The following ALPK3 variants were observed in gnomAD, a reference collection of about 807,000 sequenced individuals.
ALPK3 encodes alpha-protein kinase 3.
ALPK3 carries 102 observed loss-of-function variants against 140.0 expected under a neutral mutation model. The observed-to-expected ratio is 0.73, with a 90% CI of 0.62 to 0.86. The LOEUF (loss-of-function observed/expected upper bound fraction) is 0.86. ALPK3 is among the 40% of genes least tolerant of loss of function. ALPK3 has a pLI of 0.00. For synonymous variants in ALPK3, 938 were observed against 898.5 expected (o/e 1.04, Z -0.79); for missense variants, 2,254 against 2,208.2 (o/e 1.02, Z -0.42).
intron 3 of ALPK3, among the ~76,000 whole-genome samples, chr15:84,832,821 G>A (rs146225701): frequency 0.012 from 1,884 of 152,260 alleles, 133 homozygotes; most frequent in Admixed American, 0.11. Context: ...TGGTAACAGC[G>A]GCTGCAGTGG....
chr15:84,868,583 C>G lies in ALPK3; in HGVS notation c.*127C>G, dbSNP rs1319130899. ...CACGAAGGAGACACCACTTGGGGACCTCTCTGAGCAGGCTCTCGTGAATCA... is the reference window on the plus strand; with the variant it reads ...CACGAAGGAGACACCACTTGGGGACGTCTCTGAGCAGGCTCTCGTGAATCA... On this transcript the variant is annotated 3_prime_UTR_variant, in exon 14 of 14. Transcript: ENST00000258888. 3 of 927,002 alleles carry G rather than the reference C, an allele frequency of 3.2e-6. No individual in the cohort carries two copies. The highest frequency in any genetic ancestry group is 3.1e-6 in the Non-Finnish European group (2 of 635,574). The allele number at this position is 927,002 out of a possible 1,614,324, so 57.4% of individuals were successfully genotyped here. A position where few individuals can be genotyped will look rare whatever the true frequency, so the allele number is the denominator to read the frequency against.
intron 5 of ALPK3, among the ~76,000 whole-genome samples, chr15:84,855,145 A>T: frequency 6.6e-6 from 1 of 152,148 alleles, no homozygotes; most frequent in East Asian, 1.9e-4. Flanking sequence ...TGCTCTGCTC[A>T]TCTGCCGTGT....
Position 84,868,152 on chromosome 15 carries a change from A to G in ALPK3, c.4814A>G (p.Asp1605Gly), listed in dbSNP as rs1964022763. The change falls in exon 14 of 14, where the codon GAC (aspartate) becomes GGC (glycine). Residue 1605 changes from aspartate to glycine, a missense_variant. Asp to Gly is a moderately conservative substitution (Grantham distance 94). This residue lies in a region of ALPK3 where 158 missense variants were observed against 159.8 expected (regional missense o/e 0.99). Transcript: ENST00000258888. The part of the protein sequence containing the change: ...LKESCFPALL[D>G]RFASSHQCNA... ...GAAAGCTGCTTCCCTGCCCTGCTGG[A>G]CCGGTTCGCCTCCTCCCACCAGTGC... 26 of 1,613,782 alleles carry G rather than the reference A, an allele frequency of 1.6e-5. No homozygotes were observed. In the East Asian group the frequency reaches 5.8e-4, roughly 36 times the overall value.
At chr15:84,859,093 C>T in intron 6 of ALPK3, 150 bp from the exon 7 acceptor site, 1 of 1,062,166 alleles carries the variant, frequency 9.4e-7, no homozygotes. Flanking sequence ...GAGATATAGG[C>T]AGGAGGCACC....
intron 3 of ALPK3, among the ~76,000 whole-genome samples, chr15:84,833,075 C>A (rs976033713): frequency 6.6e-6 from 1 of 152,180 alleles, no homozygotes; most frequent in Non-Finnish European, 1.5e-5. Context: ...GATGACCAGG[C>A]AGGGCTGCTC....
At chr15:84,859,710 A>T in intron 7 of ALPK3, 66 bp from the exon 8 acceptor site, 1 of 1,523,516 alleles carries the variant, frequency 6.6e-7, no homozygotes, top group Admixed American at 2.0e-5. Flanking sequence ...GTGGGGTCCA[A>T]GGACGCTTAG....
intron 1 of ALPK3, among the ~76,000 whole-genome samples, chr15:84,819,956 T>C (rs1465514529): frequency 1.3e-5 from 2 of 152,164 alleles, no homozygotes; most frequent in African/African-American, 4.8e-5. Flanking sequence ...TTCCAGTCCA[T>C]GTCGGTGCAA....
In ALPK3 at chr15:84,868,538, G is replaced by A; in HGVS notation, c.*82G>A. 7.6e-7 allele frequency: 1 copy of A among 1,308,490 alleles called. No homozygotes were observed. The highest frequency in any genetic ancestry group is 1.0e-6 in the Non-Finnish European group (1 of 973,432). 81.1% of individuals were successfully genotyped at this position (1,308,490 alleles called of 1,614,324 possible). On this transcript the variant is annotated 3_prime_UTR_variant, in exon 14 of 14. Coordinates refer to ENST00000258888, the MANE Select transcript of ALPK3 (RefSeq NM_020778.5). ...AACTGGATGGAGACTTTCCAAATATGGAACTAACTGGAGAAGGTGCACGAA... is the reference window on the plus strand; with the variant it reads ...AACTGGATGGAGACTTTCCAAATATAGAACTAACTGGAGAAGGTGCACGAA...
intron 5 of ALPK3, among the ~76,000 whole-genome samples, chr15:84,848,028 C>T (rs189176633): frequency 2.1e-4 from 31 of 149,676 alleles, no homozygotes; most frequent in African/African-American, 7.2e-4. Flanking sequence ...CACCACTGTA[C>T]TCCAGCCTGG....
rs555701245 is a variant in ALPK3 at position 84,856,672 on chromosome 15, C to A, written c.1934C>A (p.Thr645Lys). ...ADRKTQVDAGTQESKRPQSDR... is the reference protein window; with the variant it reads ...ADRKTQVDAGKQESKRPQSDR... ...AGGAAGACGCAGGTGGATGCTGGGACACAAGAAAGCAAGAGGCCACAGTCA... is the reference window on the plus strand; with the variant it reads ...AGGAAGACGCAGGTGGATGCTGGGAAACAAGAAAGCAAGAGGCCACAGTCA... Residue 645 changes from threonine to lysine, a missense_variant, in exon 6 of 14, where the codon ACA becomes AAA. By Grantham distance (78) the Thr-to-Lys change is moderately conservative. Transcript: ENST00000258888. The A allele has an allele frequency of 6.2e-7, 1 of 1,613,916 alleles. No individual in the cohort carries two copies. Among genetic ancestry groups the A allele is most frequent in the South Asian group, 1.1e-5 (1 of 91,076 alleles).
chr15:84,837,761 ACTCT>A (rs1567088903), intron 3 of ALPK3, among the ~76,000 whole-genome samples: 1 of 151,972 alleles, frequency 6.6e-6, no homozygotes, highest in African/African-American at 2.4e-5. Flanking sequence ...GCATCTTGCA[ACTCT>A]CTCTGTCTTC....
intron 5 of ALPK3, among the ~76,000 whole-genome samples, chr15:84,849,078 G>A (rs1369920118): frequency 6.6e-6 from 1 of 152,002 alleles, no homozygotes; most frequent in Non-Finnish European, 1.5e-5. Flanking sequence ...GGAGGTGGAG[G>A]TTGCGTTGAG....
Position 84,858,629 on chromosome 15 carries a change from A to G in ALPK3, c.3817+74A>G, listed in dbSNP as rs368628855. 6 of 1,485,840 alleles carry G rather than the reference A, an allele frequency of 4.0e-6. No individual in the cohort carries two copies. The East Asian group carries it at 9.2e-5, about 23-fold the overall frequency. 92.0% of individuals were successfully genotyped at this position (1,485,840 alleles called of 1,614,324 possible). On this transcript the variant is annotated intron_variant, in intron 6 of 13. Transcript: ENST00000258888. ...AAAGCACACTGCTGCTGCTGCTAAC[A>G]GCACTACCCCATGACAGATAGCATA... is the stretch of plus-strand genomic sequence containing the variant.
intron 1 of ALPK3, among the ~76,000 whole-genome samples, chr15:84,821,265 G>A (rs1223125729): frequency 5.9e-5 from 9 of 152,290 alleles, no homozygotes; most frequent in Non-Finnish European, 1.2e-4. Flanking sequence ...ATGTAAGGGC[G>A]AGGCCTAGAG....
chr15:84,831,370 G>A (rs1304124082), intron 3 of ALPK3, among the ~76,000 whole-genome samples: 1 of 152,216 alleles, frequency 6.6e-6, no homozygotes, highest in African/African-American at 2.4e-5. Context: ...TGTTTGGATA[G>A]CTGTTCCCCT....
Position 84,840,532 on chromosome 15 carries a change from T to A in ALPK3, c.1253T>A (p.Met418Lys). The change falls in exon 5 of 14, where the codon ATG becomes AAG. Residue 418 changes from methionine to lysine, a missense_variant. Met to Lys is a moderately conservative substitution (Grantham distance 95). Around this residue, in one of 3 missense-constraint regions of ALPK3, gnomAD observed 2,088 missense variants for 2,022.9 expected, o/e 1.03. Transcript: ENST00000258888. ...GQEVYFSLKD[M>K]YLENTQAVRP... ...GAAGTGTATTTCTCCTTGAAGGACA[T>A]GTACCTGGAGAACACCCAGGCAGTC... 1 of 1,607,470 alleles carries A rather than the reference T, an allele frequency of 6.2e-7. No individual in the cohort carries two copies. Among genetic ancestry groups the A allele is most frequent in the Non-Finnish European group, 8.5e-7 (1 of 1,177,512 alleles).
chr15:84,849,600 G>T (rs1056498293), intron 5 of ALPK3, among the ~76,000 whole-genome samples: 3 of 152,056 alleles, frequency 2.0e-5, no homozygotes, highest in Non-Finnish European at 2.9e-5. Flanking sequence ...AGAAATCAAT[G>T]ACAGAAAGAT....
In ALPK3 at chr15:84,862,724, G is replaced by A; in HGVS notation, c.4219G>A (p.Val1407Ile). The A allele has an allele frequency of 6.2e-7, 1 of 1,614,192 alleles. No individual in the cohort carries two copies. Among genetic ancestry groups the A allele is most frequent in the South Asian group, 1.1e-5 (1 of 91,082 alleles). Residue 1407 changes from valine (V) to isoleucine (I), a missense_variant, in exon 10 of 14, where the codon GTA becomes ATA. Transcript: ENST00000258888. Reference protein sequence around the residue: ...CWGDKLFGRLVSEELRGGGYG... With the variant: ...CWGDKLFGRLISEELRGGGYG... ...GGGGGACAAGCTCTTTGGGCGACTGGTAAGCGAGGAGCTCCGAGGGGGTGG... is the reference window on the plus strand; with the variant it reads ...GGGGGACAAGCTCTTTGGGCGACTGATAAGCGAGGAGCTCCGAGGGGGTGG...
At chr15:84,867,753 T>C (rs1050337517) in intron 13 of ALPK3, among the ~76,000 whole-genome samples, 3 of 152,280 alleles carry the variant, frequency 2.0e-5, no homozygotes, top group East Asian at 1.9e-4. Flanking sequence ...ATGGATTCCA[T>C]GTGTCAGGGT....
Sources: allele counts gnomAD v4.1 joint callset (sites outside exome capture counted in the v4.1 genomes callset), GRCh38; gene constraint gnomAD v4.1.1; regional missense constraint gnomAD v4.1.1; transcripts MANE v1.5; gene names NCBI Gene and HGNC (gene_info 2026-07-23, HGNC 2026-07-21).